Variants in DYTN observed in about 807,000 individuals in gnomAD.
The protein encoded by DYTN is dystrotelin.
DYTN carries 75 observed loss-of-function variants against 69.6 expected under a neutral mutation model. The ratio of observed to expected loss-of-function variants is 1.08; its 90% CI spans 0.89 to 1.31. DYTN has a LOEUF of 1.31. Among genes scored for constraint, DYTN ranks in the 50% most tolerant of loss-of-function variants. The probability of loss-of-function intolerance (pLI) is 0.00; values close to 1 mark genes in which losing one functional copy is unlikely to be tolerated. For missense variants in DYTN, 726 were observed against 688.4 expected, an observed-to-expected ratio of 1.05 and a Z score of -0.61; for synonymous variants, 252 against 249.1, an observed-to-expected ratio of 1.01 and a Z score of -0.11.
chr2:206,712,200 G>A (rs977748465), intron 1 of DYTN, among the ~76,000 whole-genome samples: 3 of 152,154 alleles, frequency 2.0e-5, no homozygotes, highest in East Asian at 1.9e-4. Context: ...CTAAGAAGTC[G>A]CCAACGTCGG....
chr2:206,667,340 T>G (rs1699584408), intron 9 of DYTN, among the ~76,000 whole-genome samples: 2 of 152,206 alleles, frequency 1.3e-5, no homozygotes, highest in Admixed American at 1.3e-4. Context: ...CTGCTCCCTC[T>G]GCCTGGATGC....
At position 206,665,887 on chromosome 2, in the gene DYTN, T is replaced by C. The variant is rs1699564703; in HGVS notation, c.1123A>G (p.Ile375Val). 1.8e-5 allele frequency: 29 copies of C among 1,613,672 alleles called. No individual in the cohort carries two copies. The highest frequency in any genetic ancestry group is 2.4e-5 in the Non-Finnish European group (28 of 1,179,810). ...TTTTATACCTGTAGGTCCCGTCTTA[T>C]CTGTTGTAGCTTGGTCCATAGACTA... Reference protein sequence around the residue: ...QDSLWTKLQQIRRDLQARLQP... With the variant: ...QDSLWTKLQQVRRDLQARLQP... Residue 375 changes from isoleucine (I) to valine (V), a missense_variant, in exon 10 of 12, where the codon ATA (isoleucine) becomes GTA (valine). Coordinates refer to ENST00000452335, the MANE Select transcript of DYTN (RefSeq NM_001093730.1).
chr2:206,669,543 TA>T (rs1699608943), intron 9 of DYTN, among the ~76,000 whole-genome samples: 1 of 152,208 alleles, frequency 6.6e-6, no homozygotes, highest in African/African-American at 2.4e-5. Context: ...ACTTTAGCAG[TA>T]TACAAATGCT....
At chr2:206,705,736 G>C (rs959561497) in intron 4 of DYTN, 52 bp downstream of exon 4, 34 of 1,556,084 alleles carry the variant, frequency 2.2e-5, no homozygotes, top group Non-Finnish European at 2.8e-5. Context: ...TAACAGGTTG[G>C]GGATTTGGGG....
At chr2:206,717,069 CACACACACAA>C (rs1700136872) in intron 1 of DYTN, among the ~76,000 whole-genome samples, 1 of 151,828 alleles carries the variant, frequency 6.6e-6, no homozygotes, top group South Asian at 2.1e-4. Flanking sequence ...CACACACACA[CACACACACAA>C]AACAAACTCA....
At chr2:206,705,543 A>G (rs755880027) in intron 4 of DYTN, among the ~76,000 whole-genome samples, 3 of 152,266 alleles carry the variant, frequency 2.0e-5, no homozygotes, top group Non-Finnish European at 4.4e-5. Context: ...CAAACCAATA[A>G]TAATTACGGG....
At chr2:206,699,333 T>C (rs1051545072) in intron 7 of DYTN, among the ~76,000 whole-genome samples, 1 of 152,138 alleles carries the variant, frequency 6.6e-6, no homozygotes, top group African/African-American at 2.4e-5. Context: ...CCCAGGAGGC[T>C]GAGCTGCAAG....
intron 11 of DYTN, among the ~76,000 whole-genome samples, chr2:206,657,812 A>G (rs1318342039): frequency 6.6e-6 from 1 of 152,118 alleles, no homozygotes; most frequent in Non-Finnish European, 1.5e-5. Context: ...ACTTTTGACA[A>G]TTTGGTTATA....
At chr2:206,714,602 G>C (rs183564417) in intron 1 of DYTN, among the ~76,000 whole-genome samples, 1 of 152,206 alleles carries the variant, frequency 6.6e-6, no homozygotes, top group African/African-American at 2.4e-5. Context: ...AGAGGCTGAT[G>C]CCTGGACAAG....
At chr2:206,705,917 G>T (rs770093896) in intron 3 of DYTN, 44 bp from the exon 4 acceptor site, 4 of 1,594,926 alleles carry the variant, frequency 2.5e-6, no homozygotes, top group Non-Finnish European at 3.4e-6. Context: ...GAAGGCCAGG[G>T]TTACCTTTGG....
At chr2:206,652,984 A>G (rs1699404954) in intron 11 of DYTN, among the ~76,000 whole-genome samples, 1 of 152,192 alleles carries the variant, frequency 6.6e-6, no homozygotes, top group Non-Finnish European at 1.5e-5. Context: ...GGGGAGATTT[A>G]TTATGTTAGT....
At chr2:206,678,192 G>A (rs1466725854) in intron 9 of DYTN, among the ~76,000 whole-genome samples, 1 of 152,170 alleles carries the variant, frequency 6.6e-6, no homozygotes, top group Non-Finnish European at 1.5e-5. Context: ...CAGTTGCCTT[G>A]TACATTATGT....
chr2:206,653,187 C>G (rs372194745), intron 11 of DYTN, among the ~76,000 whole-genome samples: 120 of 152,194 alleles, frequency 7.9e-4, no homozygotes, highest in African/African-American at 2.6e-3. Flanking sequence ...TTTAAGACAT[C>G]GTTTCTCAGG....
At chr2:206,685,234 T>C (rs944489601) in intron 9 of DYTN, among the ~76,000 whole-genome samples, 4 of 152,100 alleles carry the variant, frequency 2.6e-5, no homozygotes, top group Admixed American at 1.3e-4. Context: ...CAATCACTGC[T>C]CACTGTAGCC....
chr2:206,654,378 A>G (rs1430004442), intron 11 of DYTN, among the ~76,000 whole-genome samples: 1 of 152,194 alleles, frequency 6.6e-6, no homozygotes, highest in Non-Finnish European at 1.5e-5. Flanking sequence ...CTTTATGATG[A>G]TCTACTTCCA....
rs10175896 is a variant in DYTN at position 206,659,036 on chromosome 2, C to T, written c.1633+3867G>A. On this transcript the variant is annotated intron_variant, in intron 11 of 11. Transcript: ENST00000452335. ...AGGCAAGGAACAGCTGACACTTTTC[C>T]AAATTTATTTTTTACTGCAATTTTT... is the stretch of plus-strand genomic sequence containing the variant. 2.6e-3 allele frequency among the ~76,000 whole-genome samples: 396 copies of T among 149,592 alleles called. 2 individuals carry two copies. The highest frequency in any genetic ancestry group is 9.4e-3 in the African/African-American group (385 of 40,848).
At chr2:206,715,931 T>C (rs1448155354) in intron 1 of DYTN, among the ~76,000 whole-genome samples, 4 of 151,990 alleles carry the variant, frequency 2.6e-5, no homozygotes, top group African/African-American at 4.8e-5. Flanking sequence ...CTACTAAAAA[T>C]ACAAAAATTA....
intron 1 of DYTN, among the ~76,000 whole-genome samples, chr2:206,711,989 C>T (rs1700082745): frequency 6.7e-6 from 1 of 149,930 alleles, no homozygotes; most frequent in African/African-American, 2.5e-5. Flanking sequence ...CCCATTTAGT[C>T]ATATTATCTT....
Position 206,651,703 on chromosome 2 carries a change from C to T in DYTN, c.*115G>A. 1.1e-6 allele frequency: 1 copy of T among 942,420 alleles called. No individual in the cohort carries two copies. The allele number at this position is 942,420 out of a possible 1,614,324, so 58.4% of individuals were successfully genotyped here. ...GAGATCAAAAAACAAAACCTGTTTT[C>T]TTCATAGTTCACACTAAACTATTAA... On this transcript the variant is annotated 3_prime_UTR_variant, in exon 12 of 12. Transcript: ENST00000452335.
Sources: allele counts gnomAD v4.1 joint callset (sites outside exome capture counted in the v4.1 genomes callset), GRCh38; gene constraint gnomAD v4.1.1; transcripts MANE v1.5; gene names NCBI Gene and HGNC (gene_info 2026-07-23, HGNC 2026-07-21).